The following SLC25A21 variants were observed in gnomAD, a reference collection of about 807,000 sequenced individuals.
SLC25A21 encodes mitochondrial 2-oxodicarboxylate carrier.
Under a neutral mutation model 43.8 loss-of-function variants are expected in SLC25A21, and 47 were observed. That is an observed-to-expected ratio of 1.07 (90% CI 0.85 to 1.37). SLC25A21 has a LOEUF of 1.37. Among genes scored for constraint, SLC25A21 ranks in the 40% most tolerant of loss-of-function variants. The probability of loss-of-function intolerance (pLI) is 0.00; values close to 1 mark genes in which losing one functional copy is unlikely to be tolerated. For missense variants in SLC25A21, 352 were observed against 350.2 expected, an observed-to-expected ratio of 1.00 and a Z score of -0.04; for synonymous variants, 131 against 121.3, an observed-to-expected ratio of 1.08 and a Z score of -0.52.
In SLC25A21 at chr14:36,678,384, T is replaced by TA; in HGVS notation, c.*2273dup. 1 of 1,044,766 alleles carries TA rather than the reference T, an allele frequency of 9.6e-7. No individual in the cohort carries two copies. Among genetic ancestry groups the TA allele is most frequent in the Admixed American group, 2.1e-5 (1 of 48,162 alleles). 64.7% of individuals were successfully genotyped at this position (1,044,766 alleles called of 1,614,324 possible). On this transcript the variant is annotated 3_prime_UTR_variant, in exon 10 of 10. Transcript: ENST00000331299. ...ATTCAGTGCTACAAATAGAGGATTATAACTTCAGGAGAAGAATAAGCAGAA... is the reference window on the plus strand; with the variant it reads ...ATTCAGTGCTACAAATAGAGGATTATAAACTTCAGGAGAAGAATAAGCAGAA...
At chr14:36,683,217 C>T (rs575083163) in intron 9 of SLC25A21, among the ~76,000 whole-genome samples, 65 of 152,304 alleles carry the variant, frequency 4.3e-4, no homozygotes, top group Middle Eastern at 3.4e-3. Context: ...TAGAGGCAGC[C>T]GATTCTCCCT....
intron 1 of SLC25A21, among the ~76,000 whole-genome samples, chr14:36,887,211 C>CATATATATAT (rs3985278): frequency 5.0e-4 from 74 of 148,716 alleles, no homozygotes; most frequent in African/African-American, 1.7e-3. Context: ...TGTGTGTCTA[C>CATATATATAT]ATATATATAT....
rs1467058256 is a variant in SLC25A21 at position 36,883,040 on chromosome 14, T to G, written c.71-8036A>C. Among the ~76,000 whole-genome samples, 6 of 152,110 alleles carry G rather than the reference T, an allele frequency of 3.9e-5. No homozygotes were observed. The East Asian group carries it at 9.6e-4, about 24-fold the overall frequency. On this transcript the variant is annotated intron_variant, in intron 1 of 9. Coordinates refer to ENST00000331299, the MANE Select transcript of SLC25A21 (RefSeq NM_030631.4). ...CAGCAGATCAATGGTAGCAGGCCCT[T>G]TACAGGTATCCCTCCATCTACCTTT...
chr14:36,767,807 GC>G (rs1886470492), intron 3 of SLC25A21, among the ~76,000 whole-genome samples: 1 of 152,194 alleles, frequency 6.6e-6, no homozygotes, highest in East Asian at 1.9e-4. Flanking sequence ...TTCTAGCCCA[GC>G]AATTCAGGCC....
chr14:36,704,239 G>C (rs574730090), intron 7 of SLC25A21, among the ~76,000 whole-genome samples: 1 of 152,200 alleles, frequency 6.6e-6, no homozygotes, highest in South Asian at 2.1e-4. Flanking sequence ...GGGAGGATCA[G>C]GTTATGGGTC....
chr14:37,007,877 C>G (rs1225230168), intron 1 of SLC25A21, among the ~76,000 whole-genome samples: 1 of 152,070 alleles, frequency 6.6e-6, no homozygotes, highest in Non-Finnish European at 1.5e-5. Flanking sequence ...ATTTGTCATA[C>G]AATTTCCACT....
chr14:36,776,230 C>CTTTTTTT (rs1328087696), intron 3 of SLC25A21, among the ~76,000 whole-genome samples: 5,616 of 68,922 alleles, frequency 0.081, 976 homozygotes, highest in East Asian at 0.13. Flanking sequence ...CTTTTTCTTT[C>CTTTTTTT]TTTCTTTCTT....
At chr14:36,878,618 T>C (rs17105622) in intron 1 of SLC25A21, among the ~76,000 whole-genome samples, 3,963 of 152,284 alleles carry the variant, frequency 0.026, 135 homozygotes, top group East Asian at 0.12. Context: ...CATGTGCTTA[T>C]TGACAATTCT....
rs149039094 is a variant in SLC25A21, at chr14:37,005,017, G to GCT, written c.71-130015_71-130014dup. Among the ~76,000 whole-genome samples the GCT allele has an allele frequency of 2.5e-4, 38 of 151,106 alleles. No homozygotes were observed. In the East Asian group the frequency reaches 6.3e-3, roughly 25 times the overall value. On this transcript the variant is annotated intron_variant, in intron 1 of 9. Coordinates refer to ENST00000331299, the MANE Select transcript of SLC25A21 (RefSeq NM_030631.4). ...TCCATATCTATCCCTTCAGAGCCCA[G>GCT]CTGTGGGTCTCAACCAGCCGTCCAA...
intron 1 of SLC25A21, among the ~76,000 whole-genome samples, chr14:36,993,063 G>A (rs1960297827): frequency 6.6e-6 from 1 of 152,174 alleles, no homozygotes; most frequent in Non-Finnish European, 1.5e-5. Flanking sequence ...ACTGGAATGA[G>A]AGTGAACATA....
intron 1 of SLC25A21, among the ~76,000 whole-genome samples, chr14:37,086,994 C>T (rs553432503): frequency 1.7e-3 from 259 of 152,240 alleles, no homozygotes; most frequent in African/African-American, 6.0e-3. Context: ...AAAATTTGTG[C>T]AGAAGCCTAA....
intron 1 of SLC25A21, among the ~76,000 whole-genome samples, chr14:37,165,844 C>A (rs940108514): frequency 2.0e-5 from 3 of 152,128 alleles, no homozygotes; most frequent in Non-Finnish European, 2.9e-5. Flanking sequence ...GGGAAGGGTC[C>A]AAACTGATCA....
At chr14:36,848,864 C>T (rs904414234) in intron 2 of SLC25A21, among the ~76,000 whole-genome samples, 1 of 152,160 alleles carries the variant, frequency 6.6e-6, no homozygotes, top group African/African-American at 2.4e-5. Flanking sequence ...ATCTCATGTG[C>T]TAAAATCCAC....
chr14:37,051,836 C>T (rs1361340527), intron 1 of SLC25A21, among the ~76,000 whole-genome samples: 2 of 152,172 alleles, frequency 1.3e-5, no homozygotes, highest in East Asian at 3.9e-4. Context: ...ATTGTCCTTC[C>T]ACCTGCCTGA....
At chr14:37,134,164 G>C (rs1307645439) in intron 1 of SLC25A21, among the ~76,000 whole-genome samples, 1 of 152,120 alleles carries the variant, frequency 6.6e-6, no homozygotes, top group South Asian at 2.1e-4. Context: ...GTCTTGATGA[G>C]GAGTATACAA....
intron 1 of SLC25A21, among the ~76,000 whole-genome samples, chr14:36,928,008 G>C (rs546936301): frequency 6.6e-6 from 1 of 152,128 alleles, no homozygotes; most frequent in Non-Finnish European, 1.5e-5. Flanking sequence ...TAGAGCCCCC[G>C]AAGTTATAAT....
intron 1 of SLC25A21, among the ~76,000 whole-genome samples, chr14:37,126,636 G>A (rs532517037): frequency 1.3e-5 from 2 of 152,032 alleles, no homozygotes; most frequent in African/African-American, 4.8e-5. Context: ...GGAGGCTACT[G>A]GCACATTGAT....
At chr14:37,061,346 T>C (rs944247437) in intron 1 of SLC25A21, among the ~76,000 whole-genome samples, 1 of 152,212 alleles carries the variant, frequency 6.6e-6, no homozygotes, top group African/African-American at 2.4e-5. Flanking sequence ...GCCCTCTTTC[T>C]TGTAGACCAC....
intron 1 of SLC25A21, among the ~76,000 whole-genome samples, chr14:36,967,546 C>T (rs894406907): frequency 1.3e-5 from 2 of 152,214 alleles, no homozygotes; most frequent in Admixed American, 1.3e-4. Flanking sequence ...CGCGGGCTTG[C>T]TAAGCAGATG....
Sources: allele counts gnomAD v4.1 joint callset (sites outside exome capture counted in the v4.1 genomes callset), GRCh38; gene constraint gnomAD v4.1.1; transcripts MANE v1.5; gene names NCBI Gene and HGNC (gene_info 2026-07-23, HGNC 2026-07-21).